The following SRD5A1 variants were observed in gnomAD, a reference collection of about 807,000 sequenced individuals.
SRD5A1 encodes steroid 5 alpha-reductase 1.
A neutral mutation model predicts 28.2 loss-of-function variants in SRD5A1; 22 were observed. The ratio of observed to expected loss-of-function variants is 0.78; its 90% CI spans 0.56 to 1.12. The LOEUF (loss-of-function observed/expected upper bound fraction) is 1.12. Among genes scored for constraint, SRD5A1 ranks in the 50% most tolerant of loss-of-function variants. SRD5A1 has a pLI of 0.00. For synonymous variants in SRD5A1, 151 were observed against 135.0 expected, an observed-to-expected ratio of 1.12 and a Z score of -0.82; for missense variants, 300 against 346.7, an observed-to-expected ratio of 0.87 and a Z score of 1.07.
At chr5:6,667,228 AG>A (rs1188757990) in intron 4 of SRD5A1, among the ~76,000 whole-genome samples, 2 of 152,214 alleles carry the variant, frequency 1.3e-5, no homozygotes, top group Admixed American at 1.3e-4. Flanking sequence ...GCCTCATGCC[AG>A]GGGAAGTGAC....
At chr5:6,643,655 C>T (rs1312232215) in intron 1 of SRD5A1, among the ~76,000 whole-genome samples, 1 of 152,194 alleles carries the variant, frequency 6.6e-6, no homozygotes, top group Non-Finnish European at 1.5e-5. Context: ...CAAGTGTTCT[C>T]CCCAAAAGGC....
intron 1 of SRD5A1, among the ~76,000 whole-genome samples, chr5:6,644,462 GC>G (rs1449751213): frequency 1.3e-5 from 2 of 152,076 alleles, no homozygotes; most frequent in East Asian, 1.9e-4. Flanking sequence ...ATAACTTGAG[GC>G]CGTAACTCTC....
At chr5:6,658,881 G>T (rs1296470142) in intron 3 of SRD5A1, among the ~76,000 whole-genome samples, 1 of 151,996 alleles carries the variant, frequency 6.6e-6, no homozygotes, top group Non-Finnish European at 1.5e-5. Flanking sequence ...GGAGGCTGAG[G>T]CAGGAGGATC....
rs11343625 is a variant in SRD5A1, at chr5:6,652,873, C to CAAAA, written c.460+882_460+885dup. ...TGGGTGACAGAGTGAGACTCTGTCT[C>CAAAA]AAAAAAAAAAAAAAAAAAAACTCAG... is the stretch of plus-strand genomic sequence containing the variant. On this transcript the variant is annotated intron_variant, in intron 2 of 4. Transcript: ENST00000274192. Among the ~76,000 whole-genome samples, 8 of 95,154 alleles carry CAAAA rather than the reference C, an allele frequency of 8.4e-5. No homozygotes were observed. In the South Asian group the frequency reaches 2.2e-3, roughly 26 times the overall value. 62.4% of individuals were successfully genotyped at this position (95,154 alleles called of 152,430 possible). A position where few individuals can be genotyped will look rare whatever the true frequency, so the allele number is the denominator to read the frequency against.
At chr5:6,639,172 T>A (rs1738287433) in intron 1 of SRD5A1, among the ~76,000 whole-genome samples, 1 of 152,214 alleles carries the variant, frequency 6.6e-6, no homozygotes, top group African/African-American at 2.4e-5. Flanking sequence ...ACATACTTCT[T>A]TAGTTCCCTG....
chr5:6,659,831 G>C lies in SRD5A1; in HGVS notation c.563-2985G>C, dbSNP rs146771328. On this transcript the variant is annotated intron_variant, in intron 3 of 4. Transcript: ENST00000274192. Reference sequence around the variant, plus strand: ...GTCAGGTTTTGAAGACTCAGGTGTAGGGAGTCTGAGTGCTGTGCCCCATGA... The same window carrying C: ...GTCAGGTTTTGAAGACTCAGGTGTACGGAGTCTGAGTGCTGTGCCCCATGA... 4.6e-3 allele frequency among the ~76,000 whole-genome samples: 706 copies of C among 152,290 alleles called. 6 individuals carry two copies. The highest frequency in any genetic ancestry group is 8.2e-3 in the Non-Finnish European group (556 of 68,034).
chr5:6,670,224 T>A lies in SRD5A1; in HGVS notation c.*1956T>A, dbSNP rs1739319198. ...AGGTGTTGGCATCCCAGGAAAAAAATAAAGTCTCCACATTTTGGCCTATAG... is the reference window on the plus strand; with the variant it reads ...AGGTGTTGGCATCCCAGGAAAAAAAAAAAGTCTCCACATTTTGGCCTATAG... On this transcript the variant is annotated 3_prime_UTR_variant, in exon 5 of 5. Coordinates refer to ENST00000274192, the MANE Select transcript of SRD5A1 (RefSeq NM_001047.4). 1 of 152,072 alleles carries A rather than the reference T, an allele frequency of 6.6e-6. No homozygotes were observed. 9.4% of individuals were successfully genotyped at this position (152,072 alleles called of 1,614,324 possible). A position where few individuals can be genotyped will look rare whatever the true frequency, so the allele number is the denominator to read the frequency against.
rs200366073 is a variant in SRD5A1, at chr5:6,652,034, G to A, written c.460+26G>A. ...GTGAGTGTCCACAGCAGTGAACTCCGCCTTGTTCACATCATTGCTTTTATA... is the reference window on the plus strand; with the variant it reads ...GTGAGTGTCCACAGCAGTGAACTCCACCTTGTTCACATCATTGCTTTTATA... On this transcript the variant is annotated intron_variant, in intron 2 of 4. Transcript: ENST00000274192. 5.2e-4 allele frequency: 825 copies of A among 1,597,444 alleles called. No homozygotes were observed. In the Middle Eastern group the frequency reaches 6.7e-3, roughly 13 times the overall value.
intron 1 of SRD5A1, among the ~76,000 whole-genome samples, chr5:6,644,540 C>G (rs1238227231): frequency 6.6e-6 from 1 of 152,148 alleles, no homozygotes; most frequent in Non-Finnish European, 1.5e-5. Context: ...TGAGAATCTC[C>G]TAAGCTGACT....
At chr5:6,664,294 G>C (rs1579416160) in intron 4 of SRD5A1, among the ~76,000 whole-genome samples, 1 of 152,202 alleles carries the variant, frequency 6.6e-6, no homozygotes. Context: ...GATTGATATG[G>C]TATAGTGGGA....
chr5:6,638,466 A>G (rs1371438573), intron 1 of SRD5A1, among the ~76,000 whole-genome samples: 2 of 152,256 alleles, frequency 1.3e-5, no homozygotes, highest in African/African-American at 4.8e-5. Flanking sequence ...GATTGGTCAG[A>G]GTGGAAAGTT....
At chr5:6,652,928 T>C (rs1738722256) in intron 2 of SRD5A1, among the ~76,000 whole-genome samples, 1 of 151,228 alleles carries the variant, frequency 6.6e-6, no homozygotes, top group South Asian at 2.1e-4. Context: ...GGTTCTTCTA[T>C]ATATTTGTTT....
intron 1 of SRD5A1, among the ~76,000 whole-genome samples, chr5:6,647,285 A>G (rs1469786774): frequency 2.6e-5 from 4 of 152,206 alleles, no homozygotes; most frequent in South Asian, 2.1e-4. Context: ...GTAGATGTCT[A>G]CTAGGTCCAC....
chr5:6,662,227 C>A (rs910115574), intron 3 of SRD5A1, among the ~76,000 whole-genome samples: 1 of 152,228 alleles, frequency 6.6e-6, no homozygotes, highest in African/African-American at 2.4e-5. Context: ...GTGATAGTGA[C>A]CTCCTCCACC....
At chr5:6,635,124 T>C (rs1056470977) in intron 1 of SRD5A1, among the ~76,000 whole-genome samples, 7 of 152,218 alleles carry the variant, frequency 4.6e-5, no homozygotes, top group Non-Finnish European at 1.0e-4. Context: ...GCTCCACTAC[T>C]TGGAACCAGT....
rs1341530667 is a variant in SRD5A1, at chr5:6,656,114, T to C, written c.497T>C (p.Ile166Thr). The change falls in exon 3 of 5, where the codon ATC becomes ACC. Residue 166 changes from isoleucine to threonine, a missense_variant. Transcript: ENST00000274192. ...TGGTTAACGGGCATGTTGATAAACATCCATTCAGATCATATCCTAAGGAAT... is the reference window on the plus strand; with the variant it reads ...TGGTTAACGGGCATGTTGATAAACACCCATTCAGATCATATCCTAAGGAAT... ...GLWLTGMLIN[I>T]HSDHILRNLR... is the part of the protein sequence containing the mutation. The C allele has an allele frequency of 6.2e-7, 1 of 1,614,094 alleles. No homozygotes were observed.
At chr5:6,654,122 G>A (rs904931106) in intron 2 of SRD5A1, among the ~76,000 whole-genome samples, 1 of 151,878 alleles carries the variant, frequency 6.6e-6, no homozygotes, top group African/African-American at 2.4e-5. Context: ...GTGCAATCTC[G>A]GCTCACTGCA....
intron 4 of SRD5A1, among the ~76,000 whole-genome samples, chr5:6,666,798 T>TG (rs550726597): frequency 8.6e-5 from 13 of 151,942 alleles, no homozygotes; most frequent in African/African-American, 1.2e-4. Context: ...CCCAGCCTGG[T>TG]GGGGGGGCGC....
chr5:6,642,057 T>C (rs569477469), intron 1 of SRD5A1, among the ~76,000 whole-genome samples: 1 of 152,350 alleles, frequency 6.6e-6, no homozygotes, highest in Non-Finnish European at 1.5e-5. Context: ...TTCACAAAAG[T>C]TTCAGTGGTA....
Sources: gnomAD v4.1 joint callset for allele counts (sites outside exome capture counted in the v4.1 genomes callset) on GRCh38, gnomAD v4.1.1 for gene constraint, MANE v1.5 for transcripts, NCBI Gene and HGNC (gene_info 2026-07-23, HGNC 2026-07-21) for gene names.